Variants in UXS1 observed in about 807,000 individuals in gnomAD.
The protein encoded by UXS1 is UDP-glucuronate decarboxylase 1, also known as UDP-glucuronic acid decarboxylase 1.
Under a neutral mutation model 62.6 loss-of-function variants are expected in UXS1, and 33 were observed. The observed-to-expected ratio is 0.53, with a 90% confidence interval of 0.40 to 0.70. The LOEUF (loss-of-function observed/expected upper bound fraction) is 0.70, where lower values mean the gene tolerates loss of function less well. Ranked by LOEUF, UXS1 falls within the 30% of genes least tolerant of loss-of-function variation. UXS1 has a pLI of 0.00. For missense variants in UXS1, 434 were observed against 556.3 expected (o/e 0.78, Z 2.21); for synonymous variants, 213 against 206.8 (o/e 1.03, Z -0.26).
chr2:106,127,572 G>C (rs1166042489), intron 7 of UXS1, among the ~76,000 whole-genome samples: 1 of 152,162 alleles, frequency 6.6e-6, no homozygotes, highest in Non-Finnish European at 1.5e-5. Flanking sequence ...GTAGTGTCTG[G>C]GGGTTACGAA....
chr2:106,194,150 G>T lies in UXS1; in HGVS notation c.92C>A (p.Ala31Asp). The change falls in exon 1 of 15, where the codon GCC (alanine) becomes GAC (aspartate). Residue 31 changes from alanine (A) to aspartate (D), a missense_variant and splice_region_variant. Physicochemically the swap from Ala to Asp is moderately radical, Grantham distance 126. Around this residue, in one of 3 missense-constraint regions of UXS1, gnomAD observed 91 missense variants for 71.1 expected, o/e 1.28. Coordinates refer to ENST00000283148, the MANE Select transcript of UXS1 (RefSeq NM_001253875.2). The part of the protein sequence containing the change: ...LLGIALLAYV[A>D]SVWGNFVNMS... ...GCTGGCAGCGGGCGCGCACTCACAG[G>T]CGACGTAGGCCAGCAAGGCGATGCC... 6.8e-7 allele frequency: 1 copy of T among 1,479,470 alleles called. No individual in the cohort carries two copies. Among genetic ancestry groups the T allele is most frequent in the Non-Finnish European group, 9.0e-7 (1 of 1,113,608 alleles). The allele number at this position is 1,479,470 out of a possible 1,614,324, so 91.6% of individuals were successfully genotyped here. A position where few individuals can be genotyped will look rare whatever the true frequency, so the allele number is the denominator to read the frequency against.
At chr2:106,130,143 G>C (rs1339690331) in intron 6 of UXS1, among the ~76,000 whole-genome samples, 1 of 148,294 alleles carries the variant, frequency 6.7e-6, no homozygotes, top group Admixed American at 6.7e-5. Flanking sequence ...TTTTTTTTTA[G>C]TTTGTGAGGC....
At chr2:106,160,840 G>A (rs1682844663) in intron 4 of UXS1, among the ~76,000 whole-genome samples, 2 of 152,198 alleles carry the variant, frequency 1.3e-5, no homozygotes, top group Non-Finnish European at 2.9e-5. Context: ...CGAAAAATAG[G>A]TTGAGTTTCT....
chr2:106,110,677 T>C (rs2104876890), intron 10 of UXS1, among the ~76,000 whole-genome samples: 1 of 152,230 alleles, frequency 6.6e-6, no homozygotes, highest in African/African-American at 2.4e-5. Context: ...ACAAATCCAA[T>C]AATTAGTCCA....
At chr2:106,095,578 T>C (rs1040891474) in intron 14 of UXS1, among the ~76,000 whole-genome samples, 3 of 152,234 alleles carry the variant, frequency 2.0e-5, no homozygotes, top group African/African-American at 7.2e-5. Context: ...CCAAGGGCCA[T>C]GCCAAGATGC....
At chr2:106,138,526 T>C in intron 6 of UXS1, 1 of 985,410 alleles carries the variant, frequency 1.0e-6, no homozygotes, top group Non-Finnish European at 1.2e-6. Flanking sequence ...AAACCTTCCA[T>C]TTACAACAAA....
chr2:106,173,874 G>A (rs1683713137), intron 1 of UXS1, among the ~76,000 whole-genome samples: 1 of 152,234 alleles, frequency 6.6e-6, no homozygotes, highest in Non-Finnish European at 1.5e-5. Flanking sequence ...ATGGGCCACA[G>A]TTTGCTGACC....
intron 10 of UXS1, among the ~76,000 whole-genome samples, chr2:106,108,378 A>G (rs1573414188): frequency 6.6e-6 from 1 of 152,230 alleles, no homozygotes; most frequent in East Asian, 1.9e-4. Context: ...ATGCAACTGC[A>G]GACCCTGTGT....
intron 9 of UXS1, among the ~76,000 whole-genome samples, chr2:106,115,357 C>A (rs1223820011): frequency 6.6e-6 from 1 of 152,232 alleles, no homozygotes; most frequent in Non-Finnish European, 1.5e-5. Context: ...CTGACTCCCA[C>A]ACAATGTTCT....
intron 9 of UXS1, among the ~76,000 whole-genome samples, chr2:106,113,559 C>A (rs1678804441): frequency 6.6e-6 from 1 of 152,198 alleles, no homozygotes; most frequent in Non-Finnish European, 1.5e-5. Context: ...ATAACAAAAG[C>A]CTGCTCTAAG....
At chr2:106,145,473 A>C in intron 5 of UXS1, 103 bp from the exon 6 acceptor site, 2 of 1,404,168 alleles carry the variant, frequency 1.4e-6, no homozygotes, top group African/African-American at 1.4e-5. Flanking sequence ...CCACGACTTA[A>C]AACTCAGGAG....
chr2:106,160,380 ACTGT>A (rs1174611971), intron 4 of UXS1: 1 of 152,088 alleles, frequency 6.6e-6, no homozygotes, highest in Non-Finnish European at 1.5e-5. Context: ...GCTCCTCCGA[ACTGT>A]CTGTCGTGAA....
At chr2:106,192,512 C>T (rs2104309447) in intron 1 of UXS1, among the ~76,000 whole-genome samples, 1 of 151,474 alleles carries the variant, frequency 6.6e-6, no homozygotes, top group South Asian at 2.1e-4. Flanking sequence ...CGAGATCGCG[C>T]CCCTGCACTC....
intron 2 of UXS1, 78 bp from the exon 3 acceptor site, chr2:106,164,877 G>C (rs1055358734): frequency 1.1e-5 from 12 of 1,048,048 alleles, no homozygotes; most frequent in Non-Finnish European, 1.4e-5. Context: ...ATAACCCAAC[G>C]GATGCAGACC....
At chr2:106,096,978 A>T (rs1281998041) in intron 13 of UXS1, 157 bp from the exon 14 acceptor site, 3 of 778,742 alleles carry the variant, frequency 3.9e-6, no homozygotes, top group Non-Finnish European at 6.6e-6. Context: ...CTCCCGAGGG[A>T]CTGTTCTGCG....
chr2:106,146,550 A>AG lies in UXS1; in HGVS notation c.292-1181dup, dbSNP rs563149421. Among the ~76,000 whole-genome samples the AG allele has an allele frequency of 2.2e-4, 34 of 152,118 alleles. 1 individual carries two copies. The South Asian group carries it at 5.4e-3, about 24-fold the overall frequency. ...TCCCAGCACTTTGGGAGGCCGAGAC[A>AG]GGTGGATCACTTGAGATCAGGAGTT... On this transcript the variant is annotated intron_variant, in intron 5 of 14. Coordinates refer to ENST00000283148, the MANE Select transcript of UXS1 (RefSeq NM_001253875.2).
At chr2:106,114,436 T>C (rs1232433190) in intron 9 of UXS1, among the ~76,000 whole-genome samples, 1 of 152,004 alleles carries the variant, frequency 6.6e-6, no homozygotes, top group Non-Finnish European at 1.5e-5. Flanking sequence ...CAACAGAAAA[T>C]GACTCAGAAG....
At chr2:106,162,172 G>C (rs1317359878) in intron 4 of UXS1, among the ~76,000 whole-genome samples, 1 of 152,140 alleles carries the variant, frequency 6.6e-6, no homozygotes, top group Admixed American at 6.5e-5. Flanking sequence ...ATTCCAGAAT[G>C]AGTCACCTGC....
chr2:106,187,648 G>A (rs1684648001), intron 1 of UXS1, among the ~76,000 whole-genome samples: 1 of 151,750 alleles, frequency 6.6e-6, no homozygotes, highest in Non-Finnish European at 1.5e-5. Flanking sequence ...GGAAAGAAAG[G>A]TACCACAACT....
Sources: allele counts gnomAD v4.1 joint callset (sites outside exome capture counted in the v4.1 genomes callset), GRCh38; gene constraint gnomAD v4.1.1; regional missense constraint gnomAD v4.1.1; transcripts MANE v1.5; gene names NCBI Gene and HGNC (gene_info 2026-07-23, HGNC 2026-07-21).